The following BACH2 variants were observed in gnomAD, a reference collection of about 807,000 sequenced individuals.
The protein encoded by BACH2 is transcription regulator protein BACH2.
A neutral mutation model predicts 61.8 loss-of-function variants in BACH2; 5 were observed. That is an observed-to-expected ratio of 0.08 (90% confidence interval 0.04 to 0.17). BACH2 has a LOEUF of 0.17. Ranked by LOEUF, BACH2 falls within the 10% of genes least tolerant of loss-of-function variation. BACH2 has a pLI of 1.00. For synonymous variants in BACH2, 446 were observed against 440.1 expected, an observed-to-expected ratio of 1.01 and a Z score of -0.17; for missense variants, 824 against 1,091.1, an observed-to-expected ratio of 0.76 and a Z score of 3.45.
At position 90,221,678 on chromosome 6, in the gene BACH2, C is replaced by T. The variant is rs952531473; in HGVS notation, c.-274-14997G>A. 2.6e-5 allele frequency among the ~76,000 whole-genome samples: 4 copies of T among 152,010 alleles called. No homozygotes were observed. The South Asian group carries it at 8.3e-4, about 32-fold the overall frequency. ...GCTAATTCTGCTTGAGGAAATAGGG[C>T]GTGACATCACCAGCAAGGGACAATT... is the stretch of plus-strand genomic sequence containing the variant. On this transcript the variant is annotated intron_variant, in intron 3 of 8. Coordinates refer to ENST00000257749, the MANE Select transcript of BACH2 (RefSeq NM_021813.4).
chr6:90,193,916 AG>A (rs1304861462), intron 4 of BACH2, among the ~76,000 whole-genome samples: 3 of 152,214 alleles, frequency 2.0e-5, no homozygotes, highest in Non-Finnish European at 4.4e-5. Flanking sequence ...TTGAATTTAC[AG>A]GAAGATATTT....
intron 2 of BACH2, among the ~76,000 whole-genome samples, chr6:90,266,337 A>G (rs1333388376): frequency 6.6e-6 from 1 of 152,184 alleles, no homozygotes; most frequent in Non-Finnish European, 1.5e-5. Flanking sequence ...AAGAGCCTGT[A>G]GATGACCAAC....
intron 4 of BACH2, among the ~76,000 whole-genome samples, chr6:90,099,392 T>G (rs1236105984): frequency 6.6e-6 from 1 of 152,082 alleles, no homozygotes; most frequent in Non-Finnish European, 1.5e-5. Flanking sequence ...TTGTTTTATT[T>G]TTTTTAGACA....
intron 4 of BACH2, among the ~76,000 whole-genome samples, chr6:90,169,224 A>G (rs1767730850): frequency 1.3e-5 from 2 of 151,858 alleles, no homozygotes; most frequent in Admixed American, 1.3e-4. Context: ...GTTATTTTTT[A>G]CAATTAGAAA....
At chr6:89,949,971 T>A (rs763648353) in intron 7 of BACH2, 16 of 428,504 alleles carry the variant, frequency 3.7e-5, no homozygotes, top group Non-Finnish European at 1.3e-5. Flanking sequence ...AAGAGGGGGG[T>A]CTGGAGTGCC....
chr6:90,267,256 T>C (rs1233425569), intron 2 of BACH2, among the ~76,000 whole-genome samples: 2 of 152,040 alleles, frequency 1.3e-5, no homozygotes, highest in African/African-American at 4.8e-5. Context: ...TAAAATAAAA[T>C]CTGTCAAGTT....
intron 3 of BACH2, among the ~76,000 whole-genome samples, chr6:90,211,587 G>GGTGT (rs1769351160): frequency 1.9e-5 from 2 of 103,412 alleles, no homozygotes; most frequent in African/African-American, 7.2e-5. Flanking sequence ...AGTGTCAAGG[G>GGTGT]CTGTGTGTGT....
intron 3 of BACH2, among the ~76,000 whole-genome samples, chr6:90,250,359 T>G (rs757144657): frequency 6.6e-6 from 1 of 152,206 alleles, no homozygotes; most frequent in Non-Finnish European, 1.5e-5. Flanking sequence ...AAAACAGTTG[T>G]TTTAGAAATC....
intron 3 of BACH2, among the ~76,000 whole-genome samples, chr6:90,227,176 A>G (rs1288442419): frequency 6.6e-6 from 1 of 152,252 alleles, no homozygotes; most frequent in African/African-American, 2.4e-5. Flanking sequence ...TAACATTTTC[A>G]AAGTGCAGCA....
intron 3 of BACH2, among the ~76,000 whole-genome samples, chr6:90,222,006 CAAAT>C (rs2127856342): frequency 6.6e-6 from 1 of 152,114 alleles, no homozygotes; most frequent in African/African-American, 2.4e-5. Context: ...CCACATTAAA[CAAAT>C]AAAAAGAGAG....
chr6:90,068,194 C>CA lies in BACH2; in HGVS notation c.-13+20766dup, dbSNP rs1439512711. ...AAACATCCCATTATGGAATTAAGTT[C>CA]AGAGCTTTTAAAAAATTGTGGTATT... On this transcript the variant is annotated intron_variant, in intron 5 of 8. Transcript: ENST00000257749. 2.0e-5 allele frequency among the ~76,000 whole-genome samples: 3 copies of CA among 152,124 alleles called. No individual in the cohort carries two copies. In the East Asian group the frequency reaches 5.8e-4, roughly 29 times the overall value.
intron 4 of BACH2, among the ~76,000 whole-genome samples, chr6:90,174,950 A>T (rs981232784): frequency 6.6e-6 from 1 of 151,930 alleles, no homozygotes; most frequent in Non-Finnish European, 1.5e-5. Context: ...ACAGTAAGTA[A>T]CTCAAAATCC....
intron 5 of BACH2, among the ~76,000 whole-genome samples, chr6:90,074,273 C>T (rs1393537199): frequency 4.6e-5 from 7 of 152,106 alleles, no homozygotes; most frequent in South Asian, 2.1e-4. Context: ...TTCTTATAGC[C>T]TTATGTCATA....
intron 5 of BACH2, among the ~76,000 whole-genome samples, chr6:90,047,169 G>A (rs998754676): frequency 3.3e-5 from 5 of 152,174 alleles, no homozygotes; most frequent in Admixed American, 1.3e-4. Context: ...TGATCTGCCC[G>A]CCTTGGCCTC....
intron 2 of BACH2, among the ~76,000 whole-genome samples, chr6:90,268,009 T>C (rs972642406): frequency 7.5e-6 from 1 of 133,916 alleles, no homozygotes; most frequent in Non-Finnish European, 1.7e-5. Flanking sequence ...TTGCCTTTTT[T>C]GTTTTTTTTT....
chr6:90,096,872 C>G (rs1338133614), intron 4 of BACH2, among the ~76,000 whole-genome samples: 1 of 152,218 alleles, frequency 6.6e-6, no homozygotes, highest in African/African-American at 2.4e-5. Flanking sequence ...CTCTACATTC[C>G]CACCACCATC....
rs943343560 is a variant in BACH2 at position 90,102,833 on chromosome 6, T to A, written c.-161-13724A>T. ...ATAATAATAATAATAATAATAATAA[T>A]AATAATAAAAATAAAAGGACCTTCC... is the stretch of plus-strand genomic sequence containing the variant. On this transcript the variant is annotated intron_variant, in intron 4 of 8. Coordinates refer to ENST00000257749, the MANE Select transcript of BACH2 (RefSeq NM_021813.4). Among the ~76,000 whole-genome samples, 377 of 132,994 alleles carry A rather than the reference T, an allele frequency of 2.8e-3. 1 individual carries two copies. Among genetic ancestry groups the A allele is most frequent in the Middle Eastern group, 0.011 (3 of 266 alleles). The allele number at this position is 132,994 out of a possible 152,430, so 87.2% of individuals were successfully genotyped here. A position where few individuals can be genotyped will look rare whatever the true frequency, so the allele number is the denominator to read the frequency against.
intron 5 of BACH2, among the ~76,000 whole-genome samples, chr6:90,060,819 A>T (rs1216428574): frequency 6.6e-6 from 1 of 152,114 alleles, no homozygotes; most frequent in African/African-American, 2.4e-5. Flanking sequence ...CCCTTCTAGA[A>T]TCCCAGGCTT....
chr6:90,183,115 T>C (rs1188093580), intron 4 of BACH2, among the ~76,000 whole-genome samples: 2 of 152,224 alleles, frequency 1.3e-5, no homozygotes, highest in African/African-American at 4.8e-5. Context: ...AGATGTGTAT[T>C]GTGTGTGTGC....
Sources: gnomAD v4.1 joint callset for allele counts (sites outside exome capture counted in the v4.1 genomes callset) on GRCh38, gnomAD v4.1.1 for gene constraint, MANE v1.5 for transcripts, NCBI Gene and HGNC (gene_info 2026-07-23, HGNC 2026-07-21) for gene names.